TTN: variants seen among roughly 807,000 people sequenced by gnomAD.
The protein encoded by TTN is connectin.
In TTN, 1,525 loss-of-function variants were observed where a neutral mutation model predicts 3,223.0. The observed-to-expected ratio is 0.47, with a 90% CI of 0.45 to 0.49. TTN has a LOEUF of 0.49. Among genes scored for constraint, TTN ranks in the 20% least tolerant of loss-of-function variants. The pLI is 0.00. For missense variants in TTN, 40,786 were observed against 43,424.0 expected, an observed-to-expected ratio of 0.94 and a Z score of 5.40; for synonymous variants, 14,094 against 15,161.0, an observed-to-expected ratio of 0.93 and a Z score of 5.17.
At position 178,780,205 on chromosome 2, in the gene TTN, G is replaced by A. The variant is rs772821631; in HGVS notation, c.3524C>T (p.Ala1175Val). The A allele has an allele frequency of 2.5e-5, 41 of 1,610,612 alleles. No homozygotes were observed. The highest frequency in any genetic ancestry group is 3.3e-5 in the Non-Finnish European group (39 of 1,177,086). ...GGACTTCATCAGTAACTCATAATCA[G>A]CTAAGAGTTAAGAACATCAGTTAAT... ...TSASASLLEE[A>V]DYELLMKSQQ... The change falls in exon 22 of 363, where the codon GCT (alanine) becomes GTT (valine). Residue 1175 changes from alanine (A) to valine (V), a missense_variant and splice_region_variant. Coordinates refer to ENST00000589042, the MANE Select transcript of TTN (RefSeq NM_001267550.2).
chr2:178,667,768 T>C (rs1411238927), intron 159 of TTN, 47 bp from the exon 160 acceptor site: 2 of 1,326,578 alleles, frequency 1.5e-6, no homozygotes, highest in Non-Finnish European at 2.1e-6. Flanking sequence ...TCAAGGTGGA[T>C]AAAGAAGTGT....
rs2562843 is a variant in TTN at position 178,637,662 on chromosome 2, A to G, written c.40877-243T>C. ...AACTTCTTTCAGCAAGTGCCTTATT[A>G]TCTTCCCATTTTTGGAAGGCTTACT... On this transcript the variant is annotated intron_variant, in intron 223 of 362. Transcript: ENST00000589042. 0.022 allele frequency among the ~76,000 whole-genome samples: 3,385 copies of G among 152,154 alleles called. 68 individuals carry two copies. Among genetic ancestry groups the G allele is most frequent in the East Asian group, 0.095 (492 of 5,152 alleles).
At position 178,629,325 on chromosome 2, in the gene TTN, C is replaced by T; in HGVS notation, c.44400G>A (p.Gly14800=). ...CCTTATCGCTGGGCTCTAGTTTCTTCCCTTTGAGATACCATTCCACTGGGA... is the reference window on the plus strand; with the variant it reads ...CCTTATCGCTGGGCTCTAGTTTCTTTCCTTTGAGATACCATTCCACTGGGA... ...EDIPVEWYLK[G]KKLEPSDKVV... Residue 14800 remains glycine, a synonymous_variant, in exon 240 of 363, where the codon GGG becomes GGA. Transcript: ENST00000589042. The T allele has an allele frequency of 1.2e-6, 2 of 1,612,772 alleles. No individual in the cohort carries two copies. Among genetic ancestry groups the T allele is most frequent in the Non-Finnish European group, 1.7e-6 (2 of 1,179,230 alleles).
intron 354 of TTN, 155 bp downstream of exon 354, chr2:178,538,385 T>C: frequency 1.4e-6 from 1 of 700,946 alleles, no homozygotes; most frequent in South Asian, 2.5e-5. Context: ...TGGTTTCCTG[T>C]AGAACTTGTC....
At position 178,530,708 on chromosome 2, in the gene TTN, G is replaced by C; in HGVS notation, c.105907C>G (p.Leu35303Val). 2 of 1,613,944 alleles carry C rather than the reference G, an allele frequency of 1.2e-6. No homozygotes were observed. Among genetic ancestry groups the C allele is most frequent in the Non-Finnish European group, 1.7e-6 (2 of 1,179,870 alleles). The change falls in exon 358 of 363, where the codon CTG becomes GTG. Residue 35303 changes from leucine (L) to valine (V), a missense_variant. Coordinates refer to ENST00000589042, the MANE Select transcript of TTN (RefSeq NM_001267550.2). ...KAEASKEIAK[L>V]TCVVESSVLR... ...ACACTGCTTTCAACCACACAGGTCA[G>C]TTTTGCAATCTCTTTAGAAGCTTCT...
At position 178,672,486 on chromosome 2, in the gene TTN, A is replaced by G; in HGVS notation, c.34856-5T>C. 6.2e-7 allele frequency: 1 copy of G among 1,601,752 alleles called. No individual in the cohort carries two copies. The highest frequency in any genetic ancestry group is 1.1e-5 in the South Asian group (1 of 87,916). On this transcript the variant is annotated splice_region_variant and splice_polypyrimidine_tract_variant and intron_variant, in intron 153 of 362. Coordinates refer to ENST00000589042, the MANE Select transcript of TTN (RefSeq NM_001267550.2). Reference sequence around the variant, plus strand: ...CTTTCTTTGGTACTTCAGGCACTTTAAAGATACAGTTTTAATATTTAGGAC... The same window carrying G: ...CTTTCTTTGGTACTTCAGGCACTTTGAAGATACAGTTTTAATATTTAGGAC...
At chr2:178,612,212 TCTC>T in intron 266 of TTN, 50 bp from the exon 267 acceptor site, 1 of 1,604,652 alleles carries the variant, frequency 6.2e-7, no homozygotes, top group African/African-American at 1.3e-5. Context: ...AAGGTGATAA[TCTC>T]CTGTCACAAA....
intron 354 of TTN, 71 bp downstream of exon 354, chr2:178,538,469 A>C: frequency 2.1e-6 from 3 of 1,427,408 alleles, no homozygotes; most frequent in Non-Finnish European, 2.8e-6. Context: ...GGTTCTACTT[A>C]GTATAGAGGG....
At chr2:178,678,926 T>C in intron 142 of TTN, 96 bp from the exon 143 acceptor site, 1 of 967,686 alleles carries the variant, frequency 1.0e-6, no homozygotes, top group Non-Finnish European at 1.5e-6. Context: ...GCAGCATAGA[T>C]ATTCTATCAA....
In TTN at chr2:178,663,850, A is replaced by G. The variant is rs749583507; in HGVS notation, c.36417T>C (p.Pro12139=). 4.3e-6 allele frequency: 7 copies of G among 1,613,446 alleles called. No homozygotes were observed. Among genetic ancestry groups the G allele is most frequent in the Non-Finnish European group, 5.9e-6 (7 of 1,179,818 alleles). The change falls in exon 170 of 363, where the codon CCT becomes CCC. Residue 12139 remains proline (P), a synonymous_variant. Coordinates refer to ENST00000589042, the MANE Select transcript of TTN (RefSeq NM_001267550.2). ...CAGGTGGGACTTCAGGCTCTTTAGG[A>G]GGAGCCAAGGGCACTTTCTCTTCGC... ...VIREEKVPLA[P]PKEPEVPPVK... is the part of the protein sequence containing the mutation.
chr2:178,548,293 T>C lies in TTN; in HGVS notation c.93333A>G (p.Thr31111=), dbSNP rs752118339. Residue 31111 remains threonine (T), a synonymous_variant, in exon 339 of 363, where the codon ACA becomes ACG. Coordinates refer to ENST00000589042, the MANE Select transcript of TTN (RefSeq NM_001267550.2). The surrounding 1 kb of genome is among the most constrained non-coding windows in gnomAD (Gnocchi z 4.3). ...GTCTCCTAGGTGGAGCAGGCTGTTC[T>C]GTGGCTACAATTGGTTCTGGCATTT... ...PYEMPEPIVA[T]EQPAPPRRLD... is the part of the protein sequence containing the mutation. 2 of 1,613,914 alleles carry C rather than the reference T, an allele frequency of 1.2e-6. No individual in the cohort carries two copies. The highest frequency in any genetic ancestry group is 4.5e-5 in the East Asian group (2 of 44,868).
At chr2:178,762,387 A>T (rs2089440390) in intron 43 of TTN, among the ~76,000 whole-genome samples, 4 of 152,304 alleles carry the variant, frequency 2.6e-5, no homozygotes, top group Admixed American at 2.6e-4. Context: ...TTTTAAAGAC[A>T]TTGGTTATGC....
rs2154268922 is a variant in TTN, at chr2:178,678,116, T to G, written c.33994+9A>C. ...TCTTTTACCATGGCTCTGTTACAGA[T>G]TAATGTACCTTTGGGTGGTGGTGCT... On this transcript the variant is annotated intron_variant, in intron 145 of 362. Coordinates refer to ENST00000589042, the MANE Select transcript of TTN (RefSeq NM_001267550.2). 1 of 1,607,512 alleles carries G rather than the reference T, an allele frequency of 6.2e-7. No individual in the cohort carries two copies. Among genetic ancestry groups the G allele is most frequent in the East Asian group, 2.2e-5 (1 of 44,810 alleles).
rs2060255343 is a variant in TTN at position 178,634,983 on chromosome 2, A to G, written c.42025-134T>C. 1 of 1,375,458 alleles carries G rather than the reference A, an allele frequency of 7.3e-7. No individual in the cohort carries two copies. Among genetic ancestry groups the G allele is most frequent in the African/African-American group, 1.5e-5 (1 of 68,052 alleles). The allele number at this position is 1,375,458 out of a possible 1,614,324, so 85.2% of individuals were successfully genotyped here. A position where few individuals can be genotyped will look rare whatever the true frequency, so the allele number is the denominator to read the frequency against. ...TAAGCAGAGAATTCCCTGTCATAAC[A>G]TTTTACACAAATTGTTCAAGTTGTC... On this transcript the variant is annotated intron_variant, in intron 228 of 362. Coordinates refer to ENST00000589042, the MANE Select transcript of TTN (RefSeq NM_001267550.2). The surrounding 1 kb of genome is among the most constrained non-coding windows in gnomAD (Gnocchi z 4.6).
At chr2:178,710,483 C>T (rs1169606910) in intron 98 of TTN, among the ~76,000 whole-genome samples, 152 bp downstream of exon 98, 1 of 152,144 alleles carries the variant, frequency 6.6e-6, no homozygotes, top group Non-Finnish European at 1.5e-5. Flanking sequence ...AAAATGACTT[C>T]TTCTCTAGAT....
chr2:178,692,544 A>G lies in TTN; in HGVS notation c.31631T>C (p.Val10544Ala). 1 of 1,578,182 alleles carries G rather than the reference A, an allele frequency of 6.3e-7. No homozygotes were observed. The highest frequency in any genetic ancestry group is 8.6e-7 in the Non-Finnish European group (1 of 1,163,350). ...ELPEKPAPEE[V>A]APVPIPKKVE... Reference sequence around the variant, plus strand: ...TTTTTTAGGGATAGGAACAGGGGCCACTTCTTCTGGAGCTGGTTTCTCAGG... The same window carrying G: ...TTTTTTAGGGATAGGAACAGGGGCCGCTTCTTCTGGAGCTGGTTTCTCAGG... The change falls in exon 120 of 363, where the codon GTG becomes GCG. Residue 10544 changes from valine (V) to alanine (A), a missense_variant. Physicochemically the swap from Val to Ala is moderately conservative, Grantham distance 64. Coordinates refer to ENST00000589042, the MANE Select transcript of TTN (RefSeq NM_001267550.2).
At chr2:178,742,690 TGGATGACA>T (rs1403177945) in intron 47 of TTN, among the ~76,000 whole-genome samples, 1 of 152,158 alleles carries the variant, frequency 6.6e-6, no homozygotes, top group Non-Finnish European at 1.5e-5. Context: ...AACAGTATCC[TGGATGACA>T]GGATGAAAGA....
At position 178,535,042 on chromosome 2, in the gene TTN, A is replaced by T. The variant is rs1172459056; in HGVS notation, c.101573T>A (p.Val33858Asp). The T allele has an allele frequency of 1.9e-6, 3 of 1,613,740 alleles. No individual in the cohort carries two copies. In the African/African-American group the frequency reaches 4.0e-5, roughly 22 times the overall value. ...KFVKVKGTDQ[V>D]LVKKEISILN... ...AATGGAAATTTCCTTCTTTACCAAA[A>T]CCTGATCAGTCCCTTTGACTTTAAC... The change falls in exon 358 of 363, where the codon GTT (valine) becomes GAT (aspartate). Residue 33858 changes from valine (V) to aspartate (D), a missense_variant. Physicochemically the swap from Val to Asp is radical, Grantham distance 152 (BLOSUM62 -3). Coordinates refer to ENST00000589042, the MANE Select transcript of TTN (RefSeq NM_001267550.2).
rs765557850 is a variant in TTN at position 178,777,314 on chromosome 2, A to G, written c.4649T>C (p.Val1550Ala). ...SISVILTVEA[V>A]EHQVKPMFVE... ...AAACATCGGTTTTACCTGATGTTCC[A>G]CAGCTGAAAGAGAAAGGTCATGATT... Residue 1550 changes from valine to alanine, a missense_variant, in exon 27 of 363, where the codon GTG becomes GCG. Transcript: ENST00000589042. The G allele has an allele frequency of 1.7e-5, 28 of 1,613,700 alleles. No homozygotes were observed. Among genetic ancestry groups the G allele is most frequent in the Non-Finnish European group, 2.3e-5 (27 of 1,179,942 alleles).
Sources: allele counts gnomAD v4.1 joint callset (sites outside exome capture counted in the v4.1 genomes callset), GRCh38; gene constraint gnomAD v4.1.1; non-coding constraint Gnocchi (gnomAD v3.1); transcripts MANE v1.5; gene names NCBI Gene and HGNC (gene_info 2026-07-23, HGNC 2026-07-21).